Variants in RMDN1 observed in about 807,000 individuals in gnomAD.
The protein encoded by RMDN1 is regulator of microtubule dynamics protein 1.
Under a neutral mutation model 48.9 loss-of-function variants are expected in RMDN1, and 48 were observed. The ratio of observed to expected loss-of-function variants is 0.98; its 90% CI spans 0.78 to 1.25. The LOEUF is 1.25. Among genes scored for constraint, RMDN1 ranks in the 50% most tolerant of loss-of-function variants. RMDN1 has a pLI of 0.00. For missense variants in RMDN1, 418 were observed against 373.4 expected (o/e 1.12, Z -0.98); for synonymous variants, 148 against 132.6 (o/e 1.12, Z -0.80).
chr8:86,505,362 G>A (rs1278288200), intron 2 of RMDN1: 2 of 457,512 alleles, frequency 4.4e-6, no homozygotes, highest in Non-Finnish European at 8.8e-6. Context: ...TCCTTCCTTG[G>A]GTTCTAATAT....
intron 3 of RMDN1, among the ~76,000 whole-genome samples, chr8:86,487,480 C>T (rs545367898): frequency 3.9e-5 from 6 of 152,026 alleles, no homozygotes; most frequent in South Asian, 2.1e-4. Flanking sequence ...CCCAGCTACT[C>T]GGGAGGCTGA....
intron 6 of RMDN1, 122 bp from the exon 7 acceptor site, chr8:86,479,132 A>G: frequency 1.5e-6 from 1 of 683,814 alleles, no homozygotes; most frequent in South Asian, 1.8e-5. Context: ...CTTGTGCTTT[A>G]CATGATATCT....
At chr8:86,496,357 T>C (rs1817341816) in intron 2 of RMDN1, among the ~76,000 whole-genome samples, 1 of 152,146 alleles carries the variant, frequency 6.6e-6, no homozygotes, top group African/African-American at 2.4e-5. Context: ...GAGTGGCAAG[T>C]TGGATAAAGA....
upstream of RMDN1, chr8:86,508,787 C>T: frequency 1.6e-6 from 2 of 1,217,808 alleles, no homozygotes; most frequent in South Asian, 2.2e-5. Context: ...GTTTCCGGTG[C>T]ACGGGCTTAG....
chr8:86,489,351 T>C (rs1563621269), intron 2 of RMDN1, among the ~76,000 whole-genome samples: 1 of 152,200 alleles, frequency 6.6e-6, no homozygotes, highest in Non-Finnish European at 1.5e-5. Flanking sequence ...GACAGTGTAG[T>C]GCCCTAAGAA....
intron 5 of RMDN1, chr8:86,484,579 G>T (rs1049081446): frequency 1.6e-5 from 3 of 192,558 alleles, no homozygotes; most frequent in African/African-American, 7.0e-5. Flanking sequence ...TTAGCCAGAT[G>T]TGGTGGTGTG....
chr8:86,471,647 T>C (rs1183726430), downstream of RMDN1, among the ~76,000 whole-genome samples: 1 of 151,298 alleles, frequency 6.6e-6, no homozygotes. Flanking sequence ...TACAACCAAA[T>C]GTAAAATAAG....
chr8:86,477,642 T>C (rs1311262869), intron 7 of RMDN1, among the ~76,000 whole-genome samples: 1 of 152,192 alleles, frequency 6.6e-6, no homozygotes, highest in Non-Finnish European at 1.5e-5. Context: ...TTCTCTTAAA[T>C]CATAACTAGT....
chr8:86,488,499 A>G, intron 3 of RMDN1, 53 bp downstream of exon 3: 1 of 1,129,938 alleles, frequency 8.9e-7, no homozygotes, highest in Middle Eastern at 2.1e-4. Flanking sequence ...TAATTGTTAA[A>G]TAACAAAAAT....
intron 2 of RMDN1, chr8:86,504,366 T>TA: frequency 1.9e-6 from 3 of 1,571,484 alleles, no homozygotes; most frequent in Non-Finnish European, 2.6e-6. Flanking sequence ...TGGAGTTCTT[T>TA]AGAGTATCCA....
At chr8:86,508,712 G>A, upstream of RMDN1, 1 of 1,341,146 alleles carries the variant, frequency 7.5e-7, no homozygotes, top group Non-Finnish European at 9.5e-7. Flanking sequence ...GGAAAGAACC[G>A]CGCCCGCCCG....
intron 5 of RMDN1, among the ~76,000 whole-genome samples, chr8:86,481,411 T>C (rs558698831): frequency 6.6e-6 from 1 of 152,242 alleles, no homozygotes; most frequent in Non-Finnish European, 1.5e-5. Context: ...CACTAAAAAT[T>C]AAGCCCTACA....
At position 86,494,891 on chromosome 8, in the gene RMDN1, T is replaced by C. The variant is rs1306485964; in HGVS notation, c.248-6252A>G. The C allele has an allele frequency of 7.1e-6, 3 of 420,850 alleles. No homozygotes were observed. In the East Asian group the frequency reaches 2.3e-4, roughly 32 times the overall value. 26.1% of individuals were successfully genotyped at this position (420,850 alleles called of 1,614,324 possible). A position where few individuals can be genotyped will look rare whatever the true frequency, so the allele number is the denominator to read the frequency against. On this transcript the variant is annotated intron_variant, in intron 2 of 9. Coordinates refer to ENST00000406452, the MANE Select transcript of RMDN1 (RefSeq NM_016033.3). Reference sequence around the variant, plus strand: ...TGGGAGGCTGAGGTGGGAGGATCACTTGAACCCAGGAGGCAGTGGTTGCAG... The same window carrying C: ...TGGGAGGCTGAGGTGGGAGGATCACCTGAACCCAGGAGGCAGTGGTTGCAG...
At chr8:86,503,385 A>AAAAACAAAAAAAAAAAAAC (rs1818703124) in intron 2 of RMDN1, among the ~76,000 whole-genome samples, 8 of 81,058 alleles carry the variant, frequency 9.9e-5, no homozygotes, top group East Asian at 2.9e-4. Context: ...AAAAAAAAAA[A>AAAAACAAAAAAAAAAAAAC]AAAACAAAAA....
intron 2 of RMDN1, among the ~76,000 whole-genome samples, chr8:86,496,038 A>G (rs1157608160): frequency 6.6e-6 from 1 of 152,224 alleles, no homozygotes; most frequent in East Asian, 1.9e-4. Flanking sequence ...CAAGAATTTC[A>G]TATCCAGCTA....
intron 2 of RMDN1, among the ~76,000 whole-genome samples, chr8:86,503,091 C>T (rs1039161876): frequency 1.3e-5 from 2 of 152,048 alleles, no homozygotes; most frequent in African/African-American, 4.8e-5. Context: ...CGGTGGCTCA[C>T]GCCTGTAATC....
chr8:86,510,694 A>G (rs1194855918), upstream of RMDN1, among the ~76,000 whole-genome samples: 1 of 152,230 alleles, frequency 6.6e-6, no homozygotes, highest in Non-Finnish European at 1.5e-5. Context: ...CAGATAATAA[A>G]TGATTGTTCC....
rs914271993 is a variant in RMDN1 at position 86,496,425 on chromosome 8, A to G, written c.248-7786T>C. Among the ~76,000 whole-genome samples, 5 of 152,220 alleles carry G rather than the reference A, an allele frequency of 3.3e-5. No individual in the cohort carries two copies. In the East Asian group the frequency reaches 9.6e-4, roughly 29 times the overall value. Reference sequence around the variant, plus strand: ...ACTCATCTCACATGCAATGATGCCCACAGGCTCAAAGAAAAGGAATGGAGA... The same window carrying G: ...ACTCATCTCACATGCAATGATGCCCGCAGGCTCAAAGAAAAGGAATGGAGA... On this transcript the variant is annotated intron_variant, in intron 2 of 9. Transcript: ENST00000406452.
At chr8:86,508,765 T>A, upstream of RMDN1, 1 of 1,371,996 alleles carries the variant, frequency 7.3e-7, no homozygotes, top group Non-Finnish European at 9.4e-7. Context: ...CAGCACCTCT[T>A]CCGCCCCCAT....
Sources: gnomAD v4.1 joint callset for allele counts (sites outside exome capture counted in the v4.1 genomes callset) on GRCh38, gnomAD v4.1.1 for gene constraint, MANE v1.5 for transcripts, NCBI Gene and HGNC (gene_info 2026-07-23, HGNC 2026-07-21) for gene names.